GTF2IRD1: variants seen among roughly 807,000 people sequenced by gnomAD.
GTF2IRD1 encodes GTF2I repeat domain containing 1.
In GTF2IRD1, 26 loss-of-function variants were observed where a neutral mutation model predicts 113.2. That is an observed-to-expected ratio of 0.23 (90% CI 0.17 to 0.32). The LOEUF (loss-of-function observed/expected upper bound fraction) is 0.32, where lower values mean the gene tolerates loss of function less well. Ranked by LOEUF, GTF2IRD1 falls within the 10% of genes least tolerant of loss-of-function variation. The pLI, the probability that GTF2IRD1 is intolerant of heterozygous loss-of-function variation, is 1.00. For missense variants in GTF2IRD1, 864 were observed against 1,280.8 expected (o/e 0.67, Z 4.97); for synonymous variants, 484 against 529.1 (o/e 0.91, Z 1.17).
chr7:74,556,382 G>A (rs1289683224), intron 19 of GTF2IRD1, among the ~76,000 whole-genome samples: 10 of 151,786 alleles, frequency 6.6e-5, no homozygotes, highest in Admixed American at 1.3e-4. Context: ...GTGCAATGGC[G>A]TGATCTCAGC....
In GTF2IRD1 at chr7:74,512,769, A is replaced by G. The variant is rs2130119893; in HGVS notation, c.124-61A>G. ...AGCTCACATCCCACCCCCGAAGTGG[A>G]TACTAGAGGTGTTCGGAGTATGGGG... On this transcript the variant is annotated intron_variant, in intron 2 of 26. Transcript: ENST00000424337. This position sits in a 1 kb window ranked among gnomAD's most constrained non-coding sequence, Gnocchi z 4.4. 2 of 1,547,918 alleles carry G rather than the reference A, an allele frequency of 1.3e-6. No homozygotes were observed. The highest frequency in any genetic ancestry group is 1.8e-6 in the Non-Finnish European group (2 of 1,132,264).
At chr7:74,576,355 G>C (rs1030222287) in intron 22 of GTF2IRD1, among the ~76,000 whole-genome samples, 2 of 151,722 alleles carry the variant, frequency 1.3e-5, no homozygotes, top group Non-Finnish European at 1.5e-5. Context: ...GAGATCAGGA[G>C]TTCGAGACCA....
chr7:74,485,889 G>T (rs1440169781), intron 1 of GTF2IRD1, among the ~76,000 whole-genome samples: 4 of 152,028 alleles, frequency 2.6e-5, no homozygotes, highest in Non-Finnish European at 5.9e-5. Flanking sequence ...TCGTGCCTCT[G>T]CACTCCAGCC....
At chr7:74,545,949 G>T in intron 16 of GTF2IRD1, 140 bp downstream of exon 16, 1 of 693,796 alleles carries the variant, frequency 1.4e-6, no homozygotes, top group Non-Finnish European at 2.7e-6. Context: ...GAGAGGGAAG[G>T]GAGGAGCTGG....
At chr7:74,532,147 C>T (rs1797997543) in intron 9 of GTF2IRD1, among the ~76,000 whole-genome samples, 1 of 152,170 alleles carries the variant, frequency 6.6e-6, no homozygotes, top group Non-Finnish European at 1.5e-5. Flanking sequence ...CGCTCCCTGA[C>T]ATCTGCCTCC....
chr7:74,477,610 G>C (rs1421319909), intron 1 of GTF2IRD1, among the ~76,000 whole-genome samples: 2 of 152,132 alleles, frequency 1.3e-5, no homozygotes, highest in Non-Finnish European at 2.9e-5. Flanking sequence ...TGAGGCCCAG[G>C]GAGGGGCAGT....
chr7:74,548,245 G>A (rs587635168), intron 17 of GTF2IRD1, among the ~76,000 whole-genome samples: 21 of 151,958 alleles, frequency 1.4e-4, no homozygotes, highest in African/African-American at 4.6e-4. Context: ...GTGAAACCCC[G>A]TCTCTACTAA....
Position 74,555,594 on chromosome 7 carries a change from C to G in GTF2IRD1, c.2023+100C>G. On this transcript the variant is annotated intron_variant, in intron 19 of 26. Transcript: ENST00000424337. This position sits in a 1 kb window ranked among gnomAD's most constrained non-coding sequence, Gnocchi z 5.3. The stretch of plus-strand genomic sequence containing the variant: ...GCTGGAAGTGGGGAGGAGCTGGCCC[C>G]CAACTTCAGGGCCTAAGGGACCAGG... 1.3e-6 allele frequency: 1 copy of G among 768,046 alleles called. No homozygotes were observed. Among genetic ancestry groups the G allele is most frequent in the Non-Finnish European group, 2.3e-6 (1 of 443,722 alleles). The allele number at this position is 768,046 out of a possible 1,614,324, so 47.6% of individuals were successfully genotyped here.
rs781857717 is a variant in GTF2IRD1 at position 74,595,047 on chromosome 7, G to A, written c.2625G>A (p.Val875=). 7 of 1,603,544 alleles carry A rather than the reference G, an allele frequency of 4.4e-6. No individual in the cohort carries two copies. The Admixed American group carries it at 5.0e-5, about 11-fold the overall frequency. The change falls in exon 25 of 27, where the codon GTG becomes GTA. Residue 875 remains valine, a synonymous_variant. Coordinates refer to ENST00000424337, the MANE Select transcript of GTF2IRD1 (RefSeq NM_005685.4). ...CAGAAATCTGCAATGATGCCAAGGT[G>A]CCAGGTGAGTCAGAGGTGAAGAAGC... The part of the protein sequence containing the change: ...PFAEICNDAK[V]PAKDSSIPKR...
At chr7:74,531,657 C>T (rs1490677791) in intron 9 of GTF2IRD1, among the ~76,000 whole-genome samples, 1 of 151,548 alleles carries the variant, frequency 6.6e-6, no homozygotes, top group African/African-American at 2.4e-5. Flanking sequence ...CCAAGGTAGG[C>T]GGATCACTTG....
intron 3 of GTF2IRD1, 68 bp downstream of exon 3, chr7:74,513,039 C>T: frequency 6.7e-7 from 1 of 1,492,974 alleles, no homozygotes; most frequent in Non-Finnish European, 9.2e-7. Flanking sequence ...TAGCCCATCT[C>T]TGGGTCCCCA....
intron 1 of GTF2IRD1, among the ~76,000 whole-genome samples, chr7:74,477,857 A>G (rs188374999): frequency 1.3e-5 from 2 of 152,274 alleles, no homozygotes; most frequent in East Asian, 3.9e-4. Flanking sequence ...TTTCCCGACA[A>G]GAAAAGGCCT....
At position 74,555,746 on chromosome 7, in the gene GTF2IRD1, C is replaced by T. The variant is rs2130753312; in HGVS notation, c.2023+252C>T. On this transcript the variant is annotated intron_variant, in intron 19 of 26. Coordinates refer to ENST00000424337, the MANE Select transcript of GTF2IRD1 (RefSeq NM_005685.4). This position sits in a 1 kb window ranked among gnomAD's most constrained non-coding sequence, Gnocchi z 5.3. ...AGGAGCCTGCCTGCCCCCTCCCTGCCCCACCCCCCAGAGGTAGCTGACACG... is the reference window on the plus strand; with the variant it reads ...AGGAGCCTGCCTGCCCCCTCCCTGCTCCACCCCCCAGAGGTAGCTGACACG... 6.6e-6 allele frequency among the ~76,000 whole-genome samples: 1 copy of T among 152,334 alleles called. No homozygotes were observed. Among genetic ancestry groups the T allele is most frequent in the South Asian group, 2.1e-4 (1 of 4,832 alleles).
chr7:74,582,352 T>G (rs1801466019), intron 22 of GTF2IRD1, among the ~76,000 whole-genome samples: 1 of 152,228 alleles, frequency 6.6e-6, no homozygotes, highest in South Asian at 2.1e-4. Context: ...CCCAAGGAGC[T>G]GCCTCTGGTG....
chr7:74,557,847 A>G, intron 20 of GTF2IRD1, 125 bp downstream of exon 20: 1 of 629,824 alleles, frequency 1.6e-6, no homozygotes, highest in Non-Finnish European at 2.8e-6. Context: ...GTATTTCTTG[A>G]GCATATACTA....
chr7:74,555,055 TATGCATAGCCA>T lies in GTF2IRD1; in HGVS notation c.1917-118_1917-108del. 1.1e-6 allele frequency: 1 copy of T among 888,010 alleles called. No individual in the cohort carries two copies. Among genetic ancestry groups the T allele is most frequent in the Non-Finnish European group, 1.8e-6 (1 of 570,136 alleles). 55.0% of individuals were successfully genotyped at this position (888,010 alleles called of 1,614,324 possible). ...GGCGGCAGGGACTCCAGGCCTGAAC[TATGCATAGCCA>T]GAAGGGTCCATTGCAGGGCTGTGTA... On this transcript the variant is annotated intron_variant, in intron 17 of 26. Coordinates refer to ENST00000424337, the MANE Select transcript of GTF2IRD1 (RefSeq NM_005685.4). This position sits in a 1 kb window ranked among gnomAD's most constrained non-coding sequence, Gnocchi z 5.3.
intron 19 of GTF2IRD1, among the ~76,000 whole-genome samples, chr7:74,556,258 AAAAG>A (rs1186287314): frequency 1.3e-5 from 2 of 150,746 alleles, no homozygotes; most frequent in African/African-American, 2.4e-5. Flanking sequence ...TCTCAAAAAA[AAAAG>A]AAAGAGAGAG....
At chr7:74,579,153 C>T (rs1801258244) in intron 22 of GTF2IRD1, among the ~76,000 whole-genome samples, 1 of 152,090 alleles carries the variant, frequency 6.6e-6, no homozygotes, top group African/African-American at 2.4e-5. Context: ...AAGATCCTGT[C>T]TCTACAAAAA....
chr7:74,470,810 GT>G (rs1237011155), intron 1 of GTF2IRD1, among the ~76,000 whole-genome samples: 5 of 149,156 alleles, frequency 3.4e-5, no homozygotes, highest in Admixed American at 6.7e-5. Flanking sequence ...CATATGTGGG[GT>G]TTTTTTTTTC....
Sources: allele counts gnomAD v4.1 joint callset (sites outside exome capture counted in the v4.1 genomes callset), GRCh38; gene constraint gnomAD v4.1.1; non-coding constraint Gnocchi (gnomAD v3.1); transcripts MANE v1.5; gene names NCBI Gene and HGNC (gene_info 2026-07-23, HGNC 2026-07-21).